Variants in LPCAT2 observed in about 807,000 individuals in gnomAD.
LPCAT2 encodes the protein lysophosphatidylcholine acyltransferase 2, also known as 1-AGP acyltransferase 11.
A neutral mutation model predicts 64.7 loss-of-function variants in LPCAT2; 58 were observed. The observed-to-expected ratio is 0.90, with a 90% CI of 0.73 to 1.12. LPCAT2 has a LOEUF of 1.12. LPCAT2 is among the 50% of genes most tolerant of loss of function. The pLI, the probability that LPCAT2 is intolerant of heterozygous loss-of-function variation, is 0.00. For synonymous variants in LPCAT2, 252 were observed against 245.3 expected, an observed-to-expected ratio of 1.03 and a Z score of -0.26; for missense variants, 579 against 669.8, an observed-to-expected ratio of 0.86 and a Z score of 1.50.
At chr16:55,561,670 A>G (rs1963638265) in intron 11 of LPCAT2, among the ~76,000 whole-genome samples, 2 of 152,020 alleles carry the variant, frequency 1.3e-5, no homozygotes, top group South Asian at 2.1e-4. Flanking sequence ...TTAATTTGCA[A>G]TATTATAAAA....
At chr16:55,580,049 T>G (rs552859361) in intron 13 of LPCAT2, among the ~76,000 whole-genome samples, 3 of 152,198 alleles carry the variant, frequency 2.0e-5, no homozygotes, top group Non-Finnish European at 2.9e-5. Flanking sequence ...TGGTCATGGA[T>G]GTCAAGCTGG....
At chr16:55,532,197 T>G (rs1332054934) in intron 5 of LPCAT2, 17 of 422,188 alleles carry the variant, frequency 4.0e-5, no homozygotes, top group Non-Finnish European at 4.8e-5. Context: ...CATGTGCACT[T>G]AGGATGTGTG....
At chr16:55,509,404 G>C (rs550252633) in intron 1 of LPCAT2, 52 bp downstream of exon 1, 1 of 1,273,244 alleles carries the variant, frequency 7.9e-7, no homozygotes, top group Non-Finnish European at 1.0e-6. Context: ...GCCTAGGTCA[G>C]AGGGGGGTCC....
chr16:55,553,267 G>A (rs1004322365), intron 11 of LPCAT2, among the ~76,000 whole-genome samples: 2 of 152,072 alleles, frequency 1.3e-5, no homozygotes, highest in Non-Finnish European at 2.9e-5. Context: ...TGTAGTATTC[G>A]ATGCTATTTT....
rs201352167 is a variant in LPCAT2, at chr16:55,549,238, A to T, written c.936-39A>T. 1.8e-3 allele frequency: 2,565 copies of T among 1,448,308 alleles called. 1 individual carries two copies. The highest frequency in any genetic ancestry group is 6.6e-3 in the African/African-American group (394 of 59,510). The allele number at this position is 1,448,308 out of a possible 1,614,324, so 89.7% of individuals were successfully genotyped here. On this transcript the variant is annotated intron_variant, in intron 9 of 13. Coordinates refer to ENST00000262134, the MANE Select transcript of LPCAT2 (RefSeq NM_017839.5). ...GTGAAATATGATTACTTTTTTTTTT[A>T]AAAAAAATGAATTTTAGTTTGCTTC...
rs1036228482 is a variant in LPCAT2, at chr16:55,567,911, A to T, written c.1216-6720A>T. The stretch of plus-strand genomic sequence containing the variant: ...AATAAATCAAGAAAGCCCTCAGGAG[A>T]TACATTTTCCATTTTAAAAAGTTGA... On this transcript the variant is annotated intron_variant, in intron 11 of 13. Coordinates refer to ENST00000262134, the MANE Select transcript of LPCAT2 (RefSeq NM_017839.5). Among the ~76,000 whole-genome samples, 3 of 152,260 alleles carry T rather than the reference A, an allele frequency of 2.0e-5. No individual in the cohort carries two copies. The East Asian group carries it at 5.8e-4, about 29-fold the overall frequency.
At chr16:55,543,888 C>G (rs1027884299) in intron 8 of LPCAT2, among the ~76,000 whole-genome samples, 8 of 152,130 alleles carry the variant, frequency 5.3e-5, no homozygotes, top group Admixed American at 2.6e-4. Flanking sequence ...TGCAGCTGCC[C>G]CCTTAGAGAG....
chr16:55,543,735 T>A (rs546156250), intron 8 of LPCAT2, among the ~76,000 whole-genome samples: 1 of 152,260 alleles, frequency 6.6e-6, no homozygotes, highest in African/African-American at 2.4e-5. Flanking sequence ...AGAATTCCAA[T>A]GGGAAGGACT....
chr16:55,557,661 T>A (rs541611921), intron 11 of LPCAT2, among the ~76,000 whole-genome samples: 259 of 152,334 alleles, frequency 1.7e-3, no homozygotes, highest in Middle Eastern at 6.8e-3. Context: ...CTTCCCACTT[T>A]ATCCTCCTTT....
At chr16:55,521,305 T>G (rs1963092271) in intron 1 of LPCAT2, among the ~76,000 whole-genome samples, 1 of 151,842 alleles carries the variant, frequency 6.6e-6, no homozygotes, top group Admixed American at 6.6e-5. Flanking sequence ...TAGCCCTTTA[T>G]CTATGAAGGA....
intron 1 of LPCAT2, among the ~76,000 whole-genome samples, chr16:55,519,255 CTT>C (rs2142391436): frequency 6.6e-6 from 1 of 151,722 alleles, no homozygotes; most frequent in Non-Finnish European, 1.5e-5. Context: ...AGTCCCGGCA[CTT>C]TGGGAGGCCG....
chr16:55,530,035 A>T, intron 4 of LPCAT2, 88 bp downstream of exon 4: 2 of 887,898 alleles, frequency 2.3e-6, no homozygotes, highest in Non-Finnish European at 1.7e-6. Flanking sequence ...CACAGATAGC[A>T]ATATCTGTGG....
At chr16:55,549,945 A>G (rs1457368694) in intron 10 of LPCAT2, among the ~76,000 whole-genome samples, 13 of 152,120 alleles carry the variant, frequency 8.5e-5, no homozygotes, top group African/African-American at 2.9e-4. Flanking sequence ...TTTCGCTATA[A>G]AAGGTGTAAC....
intron 3 of LPCAT2, among the ~76,000 whole-genome samples, chr16:55,528,986 G>T (rs1479160433): frequency 6.6e-6 from 1 of 152,208 alleles, no homozygotes; most frequent in African/African-American, 2.4e-5. Flanking sequence ...GCTGCTAAAT[G>T]CAGTAAGTGA....
chr16:55,549,491 T>C (rs1301743461), intron 10 of LPCAT2, 89 bp downstream of exon 10: 2 of 1,208,848 alleles, frequency 1.7e-6, no homozygotes, highest in Non-Finnish European at 2.3e-6. Flanking sequence ...TTATTAATGC[T>C]CAGCTCTAGT....
chr16:55,524,656 C>G (rs1963143562), intron 1 of LPCAT2, among the ~76,000 whole-genome samples: 1 of 151,864 alleles, frequency 6.6e-6, no homozygotes, highest in South Asian at 2.1e-4. Context: ...GCAAAAGAAG[C>G]CTACTATCTG....
At chr16:55,563,311 A>G (rs1286101362) in intron 11 of LPCAT2, among the ~76,000 whole-genome samples, 2 of 152,060 alleles carry the variant, frequency 1.3e-5, no homozygotes, top group East Asian at 1.9e-4. Context: ...AGAAGTACTA[A>G]CACCAGTTCT....
rs776486440 is a variant in LPCAT2 at position 55,579,143 on chromosome 16, A to T, written c.1349A>T (p.Glu450Val). ...GTTGATGAGGATGGCTACATAACGG[A>T]GGAAGAGTTCTCCACCATTCTACAG... ...FDVDEDGYIT[E>V]EEFSTILQAS... Residue 450 changes from glutamate (E) to valine (V), a missense_variant, in exon 13 of 14, where the codon GAG becomes GTG. Physicochemically the swap from Glu to Val is moderately radical, Grantham distance 121. Transcript: ENST00000262134. The T allele has an allele frequency of 2.5e-6, 4 of 1,613,438 alleles. No individual in the cohort carries two copies. The highest frequency in any genetic ancestry group is 2.2e-5 in the South Asian group (2 of 91,034).
At chr16:55,520,503 G>A (rs1180997167) in intron 1 of LPCAT2, among the ~76,000 whole-genome samples, 1 of 151,802 alleles carries the variant, frequency 6.6e-6, no homozygotes, top group Non-Finnish European at 1.5e-5. Flanking sequence ...TTTGAACATT[G>A]GTAACCACTT....
Sources: allele counts gnomAD v4.1 joint callset (sites outside exome capture counted in the v4.1 genomes callset), GRCh38; gene constraint gnomAD v4.1.1; transcripts MANE v1.5; gene names NCBI Gene and HGNC (gene_info 2026-07-23, HGNC 2026-07-21).